Variants in MAMDC2 observed in about 807,000 individuals in gnomAD.
The protein encoded by MAMDC2 is MAM domain containing 2.
Under a neutral mutation model 89.8 loss-of-function variants are expected in MAMDC2, and 57 were observed. The ratio of observed to expected loss-of-function variants is 0.63; its 90% CI spans 0.51 to 0.79. The LOEUF is 0.79. MAMDC2 is among the 30% of genes least tolerant of loss of function. MAMDC2 has a pLI of 0.00. For synonymous variants in MAMDC2, 313 were observed against 293.4 expected (o/e 1.07, Z -0.68); for missense variants, 800 against 820.6 (o/e 0.97, Z 0.31).
At chr9:70,220,515 C>G (rs2033535301) in intron 12 of MAMDC2, among the ~76,000 whole-genome samples, 1 of 152,128 alleles carries the variant, frequency 6.6e-6, no homozygotes, top group African/African-American at 2.4e-5. Context: ...ATCCTAGTGT[C>G]TAATAAAACA....
intron 11 of MAMDC2, among the ~76,000 whole-genome samples, chr9:70,207,317 T>C (rs10123477): frequency 0.65 from 97,970 of 151,002 alleles, 32,321 homozygotes; most frequent in Admixed American, 0.71. Flanking sequence ...TTAATGATCG[T>C]CATTCTAACT....
At position 70,143,791 on chromosome 9, in the gene MAMDC2, T is replaced by A. The variant is rs1420609340; in HGVS notation, c.1376T>A (p.Ile459Asn). 6.2e-7 allele frequency: 1 copy of A among 1,614,154 alleles called. No homozygotes were observed. The highest frequency in any genetic ancestry group is 8.5e-7 in the Non-Finnish European group (1 of 1,179,992). Residue 459 changes from isoleucine to asparagine, a missense_variant, in exon 9 of 14, where the codon ATC becomes AAC. By Grantham distance (149) the Ile-to-Asn change is moderately radical (BLOSUM62 -3). Transcript: ENST00000377182. ...AGGGGTGTTTGGATGCAAGCTGAAA[T>A]CACCTTTAAGAAGCCCATGCCTACC... ...SPRGVWMQAEITFKKPMPTKV... is the reference protein window; with the variant it reads ...SPRGVWMQAENTFKKPMPTKV...
intron 9 of MAMDC2, among the ~76,000 whole-genome samples, chr9:70,156,405 C>T (rs1927120): frequency 0.78 from 119,215 of 152,038 alleles, 46,860 homozygotes; most frequent in Admixed American, 0.83. Flanking sequence ...CAGCCAGACA[C>T]CCTGCTATAA....
At chr9:70,092,528 C>T (rs1021291658) in intron 2 of MAMDC2, 5 of 152,176 alleles carry the variant, frequency 3.3e-5, no homozygotes, top group Non-Finnish European at 7.3e-5. Context: ...TGGTATTAGA[C>T]TGCAGTATTT....
chr9:70,107,390 G>A (rs1828370342), intron 2 of MAMDC2, among the ~76,000 whole-genome samples: 1 of 152,126 alleles, frequency 6.6e-6, no homozygotes, highest in Non-Finnish European at 1.5e-5. Flanking sequence ...GACGGGGAAA[G>A]GGGAATAAGA....
chr9:70,063,766 A>T (rs1207300433), intron 2 of MAMDC2, among the ~76,000 whole-genome samples: 2 of 152,194 alleles, frequency 1.3e-5, no homozygotes, highest in African/African-American at 4.8e-5. Context: ...TGTTGAACAG[A>T]TTACAAGCCT....
intron 2 of MAMDC2, among the ~76,000 whole-genome samples, chr9:70,102,585 C>T (rs1394252676): frequency 6.6e-6 from 1 of 152,184 alleles, no homozygotes; most frequent in East Asian, 1.9e-4. Flanking sequence ...AAAGCTTTTT[C>T]TGTTGTTTTC....
intron 11 of MAMDC2, among the ~76,000 whole-genome samples, chr9:70,179,167 T>C (rs2032576497): frequency 6.6e-6 from 1 of 151,902 alleles, no homozygotes; most frequent in African/African-American, 2.4e-5. Context: ...TTTATCAAAA[T>C]TACCTGTAAC....
At chr9:70,212,214 C>T (rs564164136) in intron 11 of MAMDC2, among the ~76,000 whole-genome samples, 1 of 152,370 alleles carries the variant, frequency 6.6e-6, no homozygotes, top group East Asian at 1.9e-4. Context: ...CAGCTATGCC[C>T]TGCCCCCACA....
chr9:70,126,445 A>C (rs2030555266), intron 6 of MAMDC2, 30 bp downstream of exon 6: 1 of 1,595,196 alleles, frequency 6.3e-7, no homozygotes, highest in African/African-American at 1.3e-5. Context: ...CCAGCTGTTC[A>C]CTGGCACTCT....
intron 4 of MAMDC2, among the ~76,000 whole-genome samples, chr9:70,112,767 T>TAAGTGG (rs1301350489): frequency 6.6e-6 from 1 of 152,142 alleles, no homozygotes; most frequent in Non-Finnish European, 1.5e-5. Flanking sequence ...ACATGGCTAA[T>TAAGTGG]AAGTGGAAGG....
rs2033277097 is a variant in MAMDC2 at position 70,208,454 on chromosome 9, G to T, written c.1652-9883G>T. ...CTGTTTGTCTGGTATTGGTGTATAG[G>T]AATGCTTGTGATTTTTGCACATTGA... is the stretch of plus-strand genomic sequence containing the variant. On this transcript the variant is annotated intron_variant, in intron 11 of 13. Transcript: ENST00000377182. Among the ~76,000 whole-genome samples, 3 of 152,144 alleles carry T rather than the reference G, an allele frequency of 2.0e-5. No individual in the cohort carries two copies. In the South Asian group the frequency reaches 6.2e-4, roughly 31 times the overall value.
At chr9:70,141,483 G>A (rs770559087) in intron 8 of MAMDC2, among the ~76,000 whole-genome samples, 74 of 152,232 alleles carry the variant, frequency 4.9e-4, no homozygotes, top group Non-Finnish European at 9.0e-4. Flanking sequence ...AAATATATAC[G>A]CAAACAAACT....
intron 11 of MAMDC2, among the ~76,000 whole-genome samples, chr9:70,205,477 G>C (rs569434482): frequency 1.3e-5 from 2 of 152,198 alleles, no homozygotes; most frequent in East Asian, 3.9e-4. Context: ...GCAGCTAGCT[G>C]TCCATTCCAC....
chr9:70,202,961 G>C (rs2033134994), intron 11 of MAMDC2, among the ~76,000 whole-genome samples: 1 of 151,452 alleles, frequency 6.6e-6, no homozygotes, highest in Non-Finnish European at 1.5e-5. Flanking sequence ...CTGCACGTGA[G>C]ATGGGTTTCC....
rs375902833 is a variant in MAMDC2 at position 70,218,607 on chromosome 9, A to G, written c.1911+11A>G. The G allele has an allele frequency of 4.0e-5, 64 of 1,595,972 alleles. No individual in the cohort carries two copies. Among genetic ancestry groups the G allele is most frequent in the Middle Eastern group, 1.7e-4 (1 of 5,998 alleles). On this transcript the variant is annotated intron_variant, in intron 12 of 13. Transcript: ENST00000377182. The stretch of plus-strand genomic sequence containing the variant: ...GAGAGGCAACACCAGGTAAGCCAAC[A>G]GAGATAAGAACTAAGCAATGGAAAA...
intron 7 of MAMDC2, among the ~76,000 whole-genome samples, chr9:70,134,601 C>CTAA (rs1319851724): frequency 1.3e-5 from 2 of 152,158 alleles, no homozygotes; most frequent in African/African-American, 4.8e-5. Context: ...CATGGGAACG[C>CTAA]CTCTCAGAGA....
At chr9:70,044,551 G>C in intron 1 of MAMDC2, 33 bp from the exon 2 acceptor site, 1 of 1,518,672 alleles carries the variant, frequency 6.6e-7, no homozygotes, top group Non-Finnish European at 8.9e-7. Context: ...CTCCTGGGTG[G>C]AGCTCGAACT....
At chr9:70,156,924 T>C (rs2031782884) in intron 9 of MAMDC2, among the ~76,000 whole-genome samples, 1 of 152,238 alleles carries the variant, frequency 6.6e-6, no homozygotes, top group Non-Finnish European at 1.5e-5. Context: ...CAACTGGTAG[T>C]TGCTGACACA....
Sources: allele counts gnomAD v4.1 joint callset (sites outside exome capture counted in the v4.1 genomes callset), GRCh38; gene constraint gnomAD v4.1.1; transcripts MANE v1.5; gene names NCBI Gene and HGNC (gene_info 2026-07-23, HGNC 2026-07-21).